The following SEPTIN10 variants were observed in gnomAD, a reference collection of about 807,000 sequenced individuals.
The protein encoded by SEPTIN10 is septin-10.
SEPTIN10 carries 66 observed loss-of-function variants against 54.8 expected under a neutral mutation model. The ratio of observed to expected loss-of-function variants is 1.21; its 90% CI spans 0.99 to 1.48. The LOEUF (loss-of-function observed/expected upper bound fraction) is 1.48. SEPTIN10 is among the 40% of genes most tolerant of loss of function. SEPTIN10 has a pLI of 0.00. For synonymous variants in SEPTIN10, 161 were observed against 181.0 expected (o/e 0.89, Z 0.89); for missense variants, 620 against 545.6 (o/e 1.14, Z -1.36).
At chr2:109,565,123 TTAAGTA>T (rs1395348221) in intron 7 of SEPTIN10, among the ~76,000 whole-genome samples, 6 of 152,182 alleles carry the variant, frequency 3.9e-5, no homozygotes, top group Non-Finnish European at 7.3e-5. Context: ...ACCAATACTC[TTAAGTA>T]TAATTATTAC....
intron 5 of SEPTIN10, among the ~76,000 whole-genome samples, chr2:109,573,027 A>T (rs1429155009): frequency 6.6e-6 from 1 of 152,248 alleles, no homozygotes; most frequent in African/African-American, 2.4e-5. Flanking sequence ...AAGATTAGAT[A>T]ATATATACTT....
At position 109,585,776 on chromosome 2, in the gene SEPTIN10, A is replaced by G; in HGVS notation, c.162T>C (p.Asp54=). ...SGHVGFESLP[D]QLVNRSIQQG... ...GCTGAATGGATCTGTTCACCAGCTG[A>G]TCAGGCAAACTCTCAAAACCAACAT... Residue 54 remains aspartate (D), a synonymous_variant, in exon 3 of 11, where the codon GAT becomes GAC. Coordinates refer to ENST00000397712, the MANE Select transcript of SEPTIN10 (RefSeq NM_144710.5). 1 of 1,614,030 alleles carries G rather than the reference A, an allele frequency of 6.2e-7. No individual in the cohort carries two copies. Among genetic ancestry groups the G allele is most frequent in the Non-Finnish European group, 8.5e-7 (1 of 1,179,968 alleles).
At chr2:109,613,733 A>AGGGCGGGAAGTCCCGCGGG (rs1699825299) in intron 1 of SEPTIN10, 65 bp downstream of exon 1, 1 of 1,079,862 alleles carries the variant, frequency 9.3e-7, no homozygotes, top group East Asian at 3.4e-5. Context: ...CGGTGGGTCG[A>AGGGCGGGAAGTCCCGCGGG]GGGCGGGAAG....
At chr2:109,572,520 G>A (rs939492366) in intron 5 of SEPTIN10, among the ~76,000 whole-genome samples, 1 of 151,998 alleles carries the variant, frequency 6.6e-6, no homozygotes, top group Non-Finnish European at 1.5e-5. Context: ...GCAGAATCCA[G>A]GCAGTTCAGC....
rs1243737379 is a variant in SEPTIN10, at chr2:109,613,855, G to A, written c.-28C>T. 3.2e-6 allele frequency: 4 copies of A among 1,235,322 alleles called. No homozygotes were observed. The highest frequency in any genetic ancestry group is 1.6e-5 in the African/African-American group (1 of 64,232). The allele number at this position is 1,235,322 out of a possible 1,614,324, so 76.5% of individuals were successfully genotyped here. A position where few individuals can be genotyped will look rare whatever the true frequency, so the allele number is the denominator to read the frequency against. On this transcript the variant is annotated 5_prime_UTR_variant, in exon 1 of 11. Coordinates refer to ENST00000397712, the MANE Select transcript of SEPTIN10 (RefSeq NM_144710.5). ...TCGCGGGCAGGGGCACGGTGAAGCGGCTGTATCAGCCCGGCCCCGAGCGGC... is the reference window on the plus strand; with the variant it reads ...TCGCGGGCAGGGGCACGGTGAAGCGACTGTATCAGCCCGGCCCCGAGCGGC...
intron 6 of SEPTIN10, among the ~76,000 whole-genome samples, chr2:109,566,661 G>A (rs554765624): frequency 1.3e-5 from 2 of 152,162 alleles, no homozygotes; most frequent in East Asian, 3.9e-4. Flanking sequence ...AAATTGAGAG[G>A]AGTGAGAGAT....
chr2:109,552,087 C>T (rs1170179029), intron 9 of SEPTIN10, among the ~76,000 whole-genome samples: 1 of 152,224 alleles, frequency 6.6e-6, no homozygotes, highest in East Asian at 1.9e-4. Context: ...CCCACAGGAG[C>T]ACAAACCCTA....
Position 109,585,311 on chromosome 2 carries a change from T to G in SEPTIN10, c.228A>C (p.Gly76=). The change falls in exon 4 of 11, where the codon GGA becomes GGC. Residue 76 remains glycine (G), a synonymous_variant. Coordinates refer to ENST00000397712, the MANE Select transcript of SEPTIN10 (RefSeq NM_144710.5). ...TGTCAATCAGTGTTGATTTTCCAAT[T>G]CCAGTTTCCCCTGAAACACACAAAG... ...CFNILCVGET[G]IGKSTLIDTL... is the part of the protein sequence containing the mutation. The G allele has an allele frequency of 6.2e-6, 10 of 1,600,008 alleles. No individual in the cohort carries two copies. The highest frequency in any genetic ancestry group is 8.5e-6 in the Non-Finnish European group (10 of 1,174,094).
At chr2:109,558,071 C>T (rs909314810) in intron 8 of SEPTIN10, among the ~76,000 whole-genome samples, 4 of 151,996 alleles carry the variant, frequency 2.6e-5, no homozygotes. Context: ...GGATTACAGG[C>T]GTGAACGACT....
chr2:109,602,935 G>C (rs1696971307), intron 1 of SEPTIN10, among the ~76,000 whole-genome samples: 1 of 150,060 alleles, frequency 6.7e-6, no homozygotes, highest in Non-Finnish European at 1.5e-5. Context: ...GCCAGGCACA[G>C]TGGTGTGTAC....
intron 1 of SEPTIN10, among the ~76,000 whole-genome samples, chr2:109,603,041 A>G (rs1250635779): frequency 6.6e-6 from 1 of 151,988 alleles, no homozygotes; most frequent in East Asian, 1.9e-4. Flanking sequence ...ACTGTACTCC[A>G]GCCTGGGCAA....
At chr2:109,573,384 CCTTT>C (rs1291623409) in intron 5 of SEPTIN10, among the ~76,000 whole-genome samples, 2 of 152,182 alleles carry the variant, frequency 1.3e-5, no homozygotes, top group Non-Finnish European at 2.9e-5. Context: ...TTTTTATGTT[CCTTT>C]AACAAATATG....
chr2:109,592,193 G>T (rs1024028482), intron 2 of SEPTIN10, among the ~76,000 whole-genome samples: 3 of 152,038 alleles, frequency 2.0e-5, no homozygotes, highest in African/African-American at 7.2e-5. Context: ...GGCCGGGCGT[G>T]GTGGCTCACG....
At chr2:109,604,860 G>A (rs1046478235) in intron 1 of SEPTIN10, 10 of 152,196 alleles carry the variant, frequency 6.6e-5, no homozygotes, top group African/African-American at 1.9e-4. Flanking sequence ...CAGCAGAAAA[G>A]GTGAGGCTGC....
In SEPTIN10 at chr2:109,591,862, A is replaced by T. The variant is rs537990136; in HGVS notation, c.99+1189T>A. 2.0e-5 allele frequency among the ~76,000 whole-genome samples: 3 copies of T among 152,204 alleles called. No homozygotes were observed. The East Asian group carries it at 5.8e-4, about 30-fold the overall frequency. ...GAGTGAGCCGAGATTGCACCACTGC[A>T]CTCCAGCCTGGGCAACAGAGTGAGC... On this transcript the variant is annotated intron_variant, in intron 2 of 10. Coordinates refer to ENST00000397712, the MANE Select transcript of SEPTIN10 (RefSeq NM_144710.5).
At chr2:109,567,128 C>T (rs1406712220) in intron 6 of SEPTIN10, among the ~76,000 whole-genome samples, 1 of 152,092 alleles carries the variant, frequency 6.6e-6, no homozygotes, top group Non-Finnish European at 1.5e-5. Flanking sequence ...CTGTTAGGCG[C>T]TTAACAAAGG....
chr2:109,562,058 C>A (rs550721844), intron 8 of SEPTIN10, among the ~76,000 whole-genome samples: 12 of 151,750 alleles, frequency 7.9e-5, no homozygotes, highest in African/African-American at 2.4e-4. Flanking sequence ...TACAAAAACA[C>A]AAAAATTAGC....
intron 4 of SEPTIN10, among the ~76,000 whole-genome samples, chr2:109,575,343 T>C (rs1041410027): frequency 6.6e-6 from 1 of 152,226 alleles, no homozygotes; most frequent in African/African-American, 2.4e-5. Context: ...TCTTTGCCTC[T>C]TAGATTTATA....
At position 109,544,425 on chromosome 2, in the gene SEPTIN10, G is replaced by A. The variant is rs1372071366; in HGVS notation, c.1350-101C>T. The A allele has an allele frequency of 4.9e-6, 7 of 1,428,478 alleles. No homozygotes were observed. In the Admixed American group the frequency reaches 8.0e-5, roughly 16 times the overall value. The allele number at this position is 1,428,478 out of a possible 1,614,324, so 88.5% of individuals were successfully genotyped here. On this transcript the variant is annotated intron_variant, in intron 10 of 10. Coordinates refer to ENST00000397712, the MANE Select transcript of SEPTIN10 (RefSeq NM_144710.5). The stretch of plus-strand genomic sequence containing the variant: ...TATATTATAGGATATCTGGCCATGG[G>A]ACTTTGAAAAAGAAAAGAAAAAACC...
Sources: gnomAD v4.1 joint callset for allele counts (sites outside exome capture counted in the v4.1 genomes callset) on GRCh38, gnomAD v4.1.1 for gene constraint, MANE v1.5 for transcripts, NCBI Gene and HGNC (gene_info 2026-07-23, HGNC 2026-07-21) for gene names.